The following NICOL1 variants were observed in gnomAD, a reference collection of about 807,000 sequenced individuals.
NICOL1 encodes the protein NELL2-interacting cell ontogeny regulator 1.
At chr4:2,042,371 G>T in the NICOL1 span, 1 of 513,780 alleles carries the variant, frequency 1.9e-6, no homozygotes, top group Non-Finnish European at 3.4e-6. Flanking sequence ...CCGCCCGCGT[G>T]CCGGTCCCCG....
chr4:2,042,066 G>A, the NICOL1 span: 3 of 1,477,580 alleles, frequency 2.0e-6, no homozygotes, highest in East Asian at 8.8e-5. Flanking sequence ...TCCCTGAACC[G>A]CGGTAAGGGC....
chr4:2,041,535 C>T, the NICOL1 span, among the ~76,000 whole-genome samples: 1 of 152,184 alleles, frequency 6.6e-6, no homozygotes, highest in Non-Finnish European at 1.5e-5. Context: ...CGGGGAGAGG[C>T]TGGGCCAGGG....
the NICOL1 span, chr4:2,042,872 G>A: frequency 2.3e-5 from 30 of 1,302,760 alleles, no homozygotes; most frequent in South Asian, 4.5e-5. Flanking sequence ...CAGGGGGTGG[G>A]GAGGGCAGGG....
At chr4:2,042,354 G>T in the NICOL1 span, 1 of 512,482 alleles carries the variant, frequency 2.0e-6, no homozygotes, top group Non-Finnish European at 3.3e-6. Context: ...TGCTGGCCAT[G>T]GCCCCCCCGC....
chr4:2,041,872 A>G, the NICOL1 span: 1 of 1,067,234 alleles, frequency 9.4e-7, no homozygotes, highest in Non-Finnish European at 1.3e-6. Context: ...GCCCCCGGCC[A>G]GGGCCAGGCA....
At chr4:2,042,704 G>T in the NICOL1 span, 6 of 1,306,758 alleles carry the variant, frequency 4.6e-6, no homozygotes, top group Admixed American at 2.5e-5. Context: ...CCCCCCCTGC[G>T]CCCCCTCCAC....
At chr4:2,043,868 C>T in the NICOL1 span, 5 of 1,549,662 alleles carry the variant, frequency 3.2e-6, no homozygotes, top group Middle Eastern at 3.4e-4. Context: ...CAGACGGAGA[C>T]CCTACTGCTG....
the NICOL1 span, among the ~76,000 whole-genome samples, chr4:2,038,279 A>ATATT: frequency 2.2e-5 from 3 of 134,378 alleles, no homozygotes; most frequent in Non-Finnish European, 3.3e-5. Flanking sequence ...ATATATATAT[A>ATATT]TATATAAAAT....
the NICOL1 span, chr4:2,042,699 C>CA: frequency 1.5e-6 from 2 of 1,290,748 alleles, no homozygotes; most frequent in Non-Finnish European, 2.1e-6. Flanking sequence ...GGTGACCCCC[C>CA]CTGCGCCCCC....
At chr4:2,039,172 G>C in the NICOL1 span, among the ~76,000 whole-genome samples, 1 of 152,044 alleles carries the variant, frequency 6.6e-6, no homozygotes, top group South Asian at 2.1e-4. Context: ...CCAGTACTTC[G>C]GGAGGCCAAG....
At chr4:2,042,007 C>T in the NICOL1 span, 2 of 1,470,304 alleles carry the variant, frequency 1.4e-6, no homozygotes, top group East Asian at 2.9e-5. Flanking sequence ...GCGCGTTGCG[C>T]GCCGGACGCG....
At chr4:2,043,071 C>T in the NICOL1 span, among the ~76,000 whole-genome samples, 10 of 152,208 alleles carry the variant, frequency 6.6e-5, no homozygotes, top group Non-Finnish European at 1.5e-4. Flanking sequence ...AAGGCTCTCA[C>T]TGGGCACTTT....
the NICOL1 span, among the ~76,000 whole-genome samples, chr4:2,040,314 C>G: frequency 6.6e-6 from 1 of 152,230 alleles, no homozygotes; most frequent in Admixed American, 6.5e-5. Context: ...GCCATGTTGG[C>G]CAGGCTGGTC....
the NICOL1 span, among the ~76,000 whole-genome samples, chr4:2,043,237 C>G: frequency 3.3e-5 from 5 of 152,104 alleles, no homozygotes; most frequent in Non-Finnish European, 7.4e-5. Context: ...AATGGGGGGT[C>G]AGGCTGGGCA....
At chr4:2,042,001 G>C in the NICOL1 span, 2 of 1,469,652 alleles carry the variant, frequency 1.4e-6, no homozygotes, top group Non-Finnish European at 8.9e-7. Flanking sequence ...GCGCATGCGC[G>C]TTGCGCGCCG....
At chr4:2,036,704 G>A in the NICOL1 span, among the ~76,000 whole-genome samples, 1 of 152,278 alleles carries the variant, frequency 6.6e-6, no homozygotes, top group East Asian at 1.9e-4. Context: ...TCTGCTTCAC[G>A]TAGAGGCAGA....
chr4:2,036,626 G>A, the NICOL1 span, among the ~76,000 whole-genome samples: 48 of 152,166 alleles, frequency 3.2e-4, no homozygotes, highest in Non-Finnish European at 5.6e-4. Flanking sequence ...TGTTCAGGGC[G>A]GCCCTCGAGG....
At chr4:2,042,035 C>T in the NICOL1 span, 2 of 1,476,826 alleles carry the variant, frequency 1.4e-6, no homozygotes, top group South Asian at 1.3e-5. Context: ...TGCCGGTGTC[C>T]CCGCGCTGCT....
chr4:2,040,360 G>A, the NICOL1 span, among the ~76,000 whole-genome samples: 1 of 152,240 alleles, frequency 6.6e-6, no homozygotes, highest in Non-Finnish European at 1.5e-5. Flanking sequence ...ACCGGCCTTG[G>A]CCTCCCAAAG....
Sources: gnomAD v4.1 joint callset for allele counts (sites outside exome capture counted in the v4.1 genomes callset) on GRCh38, gnomAD v4.1.1 for gene constraint, MANE v1.5 for transcripts, NCBI Gene and HGNC (gene_info 2026-07-23, HGNC 2026-07-21) for gene names.